The following GNB1L variants were observed in gnomAD, a reference collection of about 807,000 sequenced individuals.
GNB1L encodes the protein guanine nucleotide-binding protein subunit beta-like protein 1.
Under a neutral mutation model 29.1 loss-of-function variants are expected in GNB1L, and 20 were observed. The ratio of observed to expected loss-of-function variants is 0.69; its 90% CI spans 0.48 to 1.00. The LOEUF (loss-of-function observed/expected upper bound fraction) is 1.00. Ranked by LOEUF, GNB1L falls within the 50% of genes least tolerant of loss-of-function variation. The pLI is 0.00. For synonymous variants in GNB1L, 193 were observed against 206.5 expected (o/e 0.93, Z 0.56); for missense variants, 421 against 464.9 (o/e 0.91, Z 0.87).
At chr22:19,846,863 GT>G (rs1378487582) in intron 2 of GNB1L, 1 of 918,880 alleles carries the variant, frequency 1.1e-6, no homozygotes. Flanking sequence ...GGAAATGTCT[GT>G]TGTTTAAGTC....
chr22:19,852,433 GAGAGCTGAGA>G, intron 2 of GNB1L: 1 of 669,084 alleles, frequency 1.5e-6, no homozygotes, highest in South Asian at 2.1e-5. Context: ...GCAGCCTCAG[GAGAGCTGAGA>G]AGAGCTGAGA....
At chr22:19,802,634 C>T (rs1440152297) in intron 6 of GNB1L, among the ~76,000 whole-genome samples, 1 of 152,240 alleles carries the variant, frequency 6.6e-6, no homozygotes, top group Non-Finnish European at 1.5e-5. Context: ...GGGACCTGTC[C>T]TCCTGCCTCC....
intron 2 of GNB1L, chr22:19,848,551 A>G: frequency 1.0e-6 from 1 of 985,528 alleles, no homozygotes. Context: ...CTACCTGTGC[A>G]GGAAACCTGG....
chr22:19,802,378 C>G (rs1248550138), intron 6 of GNB1L, among the ~76,000 whole-genome samples, 162 bp from the exon 7 acceptor site: 4 of 152,218 alleles, frequency 2.6e-5, no homozygotes, highest in African/African-American at 9.6e-5. Context: ...ACCGCCAGTG[C>G]CCTCCCACAC....
At chr22:19,796,127 T>C (rs913207485) in intron 7 of GNB1L, among the ~76,000 whole-genome samples, 2 of 152,176 alleles carry the variant, frequency 1.3e-5, no homozygotes, top group African/African-American at 4.8e-5. Context: ...ATATTAATAG[T>C]TGGAAAAATA....
intron 5 of GNB1L, among the ~76,000 whole-genome samples, chr22:19,807,062 G>C (rs1937445196): frequency 6.6e-6 from 1 of 151,402 alleles, no homozygotes; most frequent in African/African-American, 2.4e-5. Context: ...TCCTGGTGTA[G>C]GCTTTACATA....
chr22:19,827,892 T>A (rs1028448179), intron 2 of GNB1L, among the ~76,000 whole-genome samples: 1 of 152,180 alleles, frequency 6.6e-6, no homozygotes. Context: ...CTAGTAGTAT[T>A]GGGTATAATA....
chr22:19,833,861 G>A (rs577266946), intron 2 of GNB1L, among the ~76,000 whole-genome samples: 209 of 151,002 alleles, frequency 1.4e-3, no homozygotes, highest in Non-Finnish European at 2.5e-3. Context: ...GTGAGACTCC[G>A]TCTCAAAGAG....
chr22:19,853,727 G>GA (rs1367211465), intron 2 of GNB1L, among the ~76,000 whole-genome samples: 4 of 151,980 alleles, frequency 2.6e-5, no homozygotes, highest in African/African-American at 9.7e-5. Context: ...CTGGGGGGGG[G>GA]GTCTTCACCT....
At chr22:19,824,302 C>T (rs926073533) in intron 2 of GNB1L, among the ~76,000 whole-genome samples, 1 of 152,182 alleles carries the variant, frequency 6.6e-6, no homozygotes, top group Middle Eastern at 3.2e-3. Context: ...CATCACATTC[C>T]CCTATCTTGC....
intron 7 of GNB1L, among the ~76,000 whole-genome samples, chr22:19,800,133 C>T (rs1937352867): frequency 6.6e-6 from 1 of 152,250 alleles, no homozygotes; most frequent in African/African-American, 2.4e-5. Flanking sequence ...ATACCTGGTC[C>T]CCCTTTTGCT....
At chr22:19,819,508 C>T (rs9606164) in intron 4 of GNB1L, among the ~76,000 whole-genome samples, 4,198 of 152,274 alleles carry the variant, frequency 0.028, 77 homozygotes, top group Non-Finnish European at 0.044. Context: ...CATCGCCATA[C>T]GTTCACTAGG....
At chr22:19,806,148 A>G (rs1485567815) in intron 6 of GNB1L, among the ~76,000 whole-genome samples, 3 of 152,268 alleles carry the variant, frequency 2.0e-5, no homozygotes, top group African/African-American at 7.2e-5. Flanking sequence ...AAGGAAGGAA[A>G]TGTTCATGGA....
chr22:19,827,886 T>C (rs1209975090), intron 2 of GNB1L, among the ~76,000 whole-genome samples: 3 of 152,198 alleles, frequency 2.0e-5, no homozygotes, highest in Non-Finnish European at 4.4e-5. Context: ...ATGTTCCTAG[T>C]AGTATTGGGT....
chr22:19,797,473 C>A (rs1937319795), intron 7 of GNB1L, among the ~76,000 whole-genome samples: 1 of 152,156 alleles, frequency 6.6e-6, no homozygotes, highest in Non-Finnish European at 1.5e-5. Context: ...AGAAGAAAAC[C>A]TGTATGAGTT....
chr22:19,813,357 C>T (rs1276562486), intron 4 of GNB1L, among the ~76,000 whole-genome samples: 1 of 152,164 alleles, frequency 6.6e-6, no homozygotes, highest in African/African-American at 2.4e-5. Flanking sequence ...GAGTCTCAAG[C>T]ATCCTGTAGT....
chr22:19,835,561 C>G (rs896355239), intron 2 of GNB1L, among the ~76,000 whole-genome samples: 1 of 152,068 alleles, frequency 6.6e-6, no homozygotes, highest in African/African-American at 2.4e-5. Flanking sequence ...GTAGTCCCAG[C>G]TATCCAGGAG....
intron 7 of GNB1L, among the ~76,000 whole-genome samples, chr22:19,794,102 C>T (rs1181006398): frequency 6.6e-6 from 1 of 152,008 alleles, no homozygotes; most frequent in Non-Finnish European, 1.5e-5. Context: ...CATAGTGAGA[C>T]CCTATCTCTA....
chr22:19,847,334 G>A, intron 2 of GNB1L: 12 of 985,432 alleles, frequency 1.2e-5, no homozygotes, highest in Non-Finnish European at 1.4e-5. Context: ...ATCCTGCAGG[G>A]TAACAGCTTT....
Sources: gnomAD v4.1 joint callset for allele counts (sites outside exome capture counted in the v4.1 genomes callset) on GRCh38, gnomAD v4.1.1 for gene constraint, MANE v1.5 for transcripts, NCBI Gene and HGNC (gene_info 2026-07-23, HGNC 2026-07-21) for gene names.